FBXL7: variants seen among roughly 807,000 people sequenced by gnomAD.
FBXL7 encodes F-box/LRR-repeat protein 7.
In FBXL7, 12 loss-of-function variants were observed where a neutral mutation model predicts 38.3. That is an observed-to-expected ratio of 0.31 (90% CI 0.20 to 0.51). The LOEUF (loss-of-function observed/expected upper bound fraction) is 0.51. Ranked by LOEUF, FBXL7 falls within the 20% of genes least tolerant of loss-of-function variation. The pLI is 0.98. For synonymous variants in FBXL7, 297 were observed against 300.9 expected, an observed-to-expected ratio of 0.99 and a Z score of 0.13; for missense variants, 567 against 676.4, an observed-to-expected ratio of 0.84 and a Z score of 1.79.
rs761175476 is a variant in FBXL7 at position 15,936,490 on chromosome 5, C to T, written c.780C>T (p.Ala260=). The change falls in exon 4 of 4, where the codon GCC becomes GCT. Residue 260 remains alanine, a synonymous_variant. Coordinates refer to ENST00000504595, the MANE Select transcript of FBXL7 (RefSeq NM_012304.5). The surrounding 1 kb of genome is among the most constrained non-coding windows in gnomAD (Gnocchi z 6.0). The part of the protein sequence containing the change: ...KVTCISLTRE[A]SIKLSPLHGK... ...CCTGCATCAGCTTGACCCGGGAGGC[C>T]TCCATTAAACTGTCACCCTTGCATG... 3.1e-6 allele frequency: 5 copies of T among 1,613,424 alleles called. No homozygotes were observed. The highest frequency in any genetic ancestry group is 4.2e-6 in the Non-Finnish European group (5 of 1,179,900).
At chr5:15,841,195 T>C in intron 2 of FBXL7, among the ~76,000 whole-genome samples, 1 of 152,116 alleles carries the variant, frequency 6.6e-6, no homozygotes, top group South Asian at 2.1e-4. Context: ...TGCTGGTTGG[T>C]TTTTTTGGTA....
intron 2 of FBXL7, among the ~76,000 whole-genome samples, chr5:15,783,950 G>A (rs754720117): frequency 2.6e-4 from 40 of 152,166 alleles, no homozygotes; most frequent in African/African-American, 4.8e-5. Context: ...TGGATGTGGG[G>A]CATGATGAAT....
At chr5:15,935,587 T>C (rs1742160442) in intron 3 of FBXL7, among the ~76,000 whole-genome samples, 1 of 151,620 alleles carries the variant, frequency 6.6e-6, no homozygotes, top group Admixed American at 6.6e-5. Context: ...CTCTGGCAAA[T>C]AGGGGTGTGG....
chr5:15,927,793 AGAAAG>A, intron 2 of FBXL7, 92 bp from the exon 3 acceptor site: 3 of 854,134 alleles, frequency 3.5e-6, no homozygotes, highest in Non-Finnish European at 4.8e-6. Context: ...AAAAAGAAGA[AGAAAG>A]AAAAGAAAAG....
At chr5:15,610,386 T>A (rs1360626689) in intron 1 of FBXL7, among the ~76,000 whole-genome samples, 1 of 152,202 alleles carries the variant, frequency 6.6e-6, no homozygotes, top group African/African-American at 2.4e-5. Flanking sequence ...CCCTCTTATC[T>A]GGACTTTCCG....
At chr5:15,913,585 C>G (rs1379744763) in intron 2 of FBXL7, among the ~76,000 whole-genome samples, 1 of 152,070 alleles carries the variant, frequency 6.6e-6, no homozygotes, top group Non-Finnish European at 1.5e-5. Flanking sequence ...TTACTAGAAT[C>G]TAAATTCAAT....
intron 1 of FBXL7, among the ~76,000 whole-genome samples, chr5:15,564,427 A>G (rs1374375820): frequency 6.8e-6 from 1 of 147,386 alleles, no homozygotes; most frequent in African/African-American, 2.5e-5. Context: ...TGTGTATACA[A>G]TATGTTTAGT....
intron 2 of FBXL7, among the ~76,000 whole-genome samples, chr5:15,842,993 G>C (rs533827725): frequency 6.6e-6 from 1 of 152,156 alleles, no homozygotes; most frequent in African/African-American, 2.4e-5. Context: ...CAAATATAAG[G>C]TTATATACAA....
At chr5:15,586,642 A>G (rs898902605) in intron 1 of FBXL7, among the ~76,000 whole-genome samples, 1 of 152,112 alleles carries the variant, frequency 6.6e-6, no homozygotes, top group Non-Finnish European at 1.5e-5. Flanking sequence ...AACAATGAAG[A>G]ATTGTCTACA....
At chr5:15,608,004 T>C (rs1740087422) in intron 1 of FBXL7, among the ~76,000 whole-genome samples, 1 of 152,216 alleles carries the variant, frequency 6.6e-6, no homozygotes, top group South Asian at 2.1e-4. Context: ...TAGCTATTGG[T>C]CAAATAAACA....
chr5:15,788,005 T>C lies in FBXL7; in HGVS notation c.128-139885T>C, dbSNP rs58122674. Among the ~76,000 whole-genome samples the C allele has an allele frequency of 5.8e-3, 889 of 152,280 alleles. 9 individuals are homozygous for C. The highest frequency in any genetic ancestry group is 0.02 in the African/African-American group (845 of 41,560). On this transcript the variant is annotated intron_variant, in intron 2 of 3. Transcript: ENST00000504595. The stretch of plus-strand genomic sequence containing the variant: ...CTTTGAATGCTCTAGAGGAGATCTC[T>C]GCTGCTTCCTGGCTTCTGGTGGCTC...
chr5:15,936,749 A>C lies in FBXL7; in HGVS notation c.1039A>C (p.Lys347Gln). ...VSDFGLREIAKLESRLRYLSI... is the reference protein window; with the variant it reads ...VSDFGLREIAQLESRLRYLSI... ...CGACTTCGGCCTGCGGGAGATCGCCAAGCTGGAGTCCCGCCTGCGGTACCT... is the reference window on the plus strand; with the variant it reads ...CGACTTCGGCCTGCGGGAGATCGCCCAGCTGGAGTCCCGCCTGCGGTACCT... Residue 347 changes from lysine to glutamine, a missense_variant, in exon 4 of 4, where the codon AAG (lysine) becomes CAG (glutamine). Coordinates refer to ENST00000504595, the MANE Select transcript of FBXL7 (RefSeq NM_012304.5). The surrounding 1 kb of genome is among the most constrained non-coding windows in gnomAD (Gnocchi z 6.0). 1 of 1,610,068 alleles carries C rather than the reference A, an allele frequency of 6.2e-7. No homozygotes were observed. Among genetic ancestry groups the C allele is most frequent in the South Asian group, 1.1e-5 (1 of 90,788 alleles).
chr5:15,864,571 G>A (rs1200037150), intron 2 of FBXL7, among the ~76,000 whole-genome samples: 2 of 152,124 alleles, frequency 1.3e-5, no homozygotes, highest in Non-Finnish European at 2.9e-5. Context: ...TGAGGACTGC[G>A]AGGTGCTAAG....
chr5:15,677,606 T>TTG (rs1488791751), intron 2 of FBXL7, among the ~76,000 whole-genome samples: 1 of 151,968 alleles, frequency 6.6e-6, no homozygotes, highest in Non-Finnish European at 1.5e-5. Context: ...TCAACAGAAG[T>TTG]TGTAAAAGGT....
chr5:15,535,309 T>G (rs879551120), intron 1 of FBXL7, among the ~76,000 whole-genome samples: 3 of 152,150 alleles, frequency 2.0e-5, no homozygotes, highest in Non-Finnish European at 4.4e-5. Flanking sequence ...ACGTTGGAAC[T>G]GGGTAATGGG....
chr5:15,718,969 T>C (rs1744120301), intron 2 of FBXL7, among the ~76,000 whole-genome samples: 1 of 152,246 alleles, frequency 6.6e-6, no homozygotes, highest in Non-Finnish European at 1.5e-5. Context: ...GGGATCTGCC[T>C]GTTAAACACA....
Position 15,509,708 on chromosome 5 carries a change from C to A in FBXL7, c.37+8995C>A, listed in dbSNP as rs1490905145. On this transcript the variant is annotated intron_variant, in intron 1 of 3. Transcript: ENST00000504595. ...TTTAGAGATTCTCCCTGGTTATCCT[C>A]AAAACCATCATATTCCATTTCTCAT... 2.0e-5 allele frequency among the ~76,000 whole-genome samples: 3 copies of A among 152,318 alleles called. No individual in the cohort carries two copies. The East Asian group carries it at 5.8e-4, about 29-fold the overall frequency.
chr5:15,805,996 C>A (rs1737701499), intron 2 of FBXL7, among the ~76,000 whole-genome samples: 1 of 152,096 alleles, frequency 6.6e-6, no homozygotes, highest in South Asian at 2.1e-4. Context: ...CAAATTTTAA[C>A]CTACTTAAAA....
intron 2 of FBXL7, among the ~76,000 whole-genome samples, chr5:15,817,803 A>G (rs1220019047): frequency 6.6e-6 from 1 of 152,116 alleles, no homozygotes; most frequent in Admixed American, 6.5e-5. Flanking sequence ...CTAAACCTCT[A>G]TTTCTTTACA....
Sources: allele counts gnomAD v4.1 joint callset (sites outside exome capture counted in the v4.1 genomes callset), GRCh38; gene constraint gnomAD v4.1.1; non-coding constraint Gnocchi (gnomAD v3.1); transcripts MANE v1.5; gene names NCBI Gene and HGNC (gene_info 2026-07-23, HGNC 2026-07-21).